Variants in SULF2 observed in about 807,000 individuals in gnomAD.
The protein encoded by SULF2 is extracellular sulfatase Sulf-2.
Under a neutral mutation model 107.7 loss-of-function variants are expected in SULF2, and 52 were observed. The ratio of observed to expected loss-of-function variants is 0.48; its 90% CI spans 0.39 to 0.61. SULF2 has a LOEUF of 0.61. Among genes scored for constraint, SULF2 ranks in the 20% least tolerant of loss-of-function variants. The probability of loss-of-function intolerance (pLI) is 0.00; values close to 1 mark genes in which losing one functional copy is unlikely to be tolerated. For missense variants in SULF2, 993 were observed against 1,177.3 expected (o/e 0.84, Z 2.29); for synonymous variants, 460 against 464.3 (o/e 0.99, Z 0.12).
chr20:47,750,873 C>G (rs77001870), intron 2 of SULF2, among the ~76,000 whole-genome samples: 3,042 of 152,248 alleles, frequency 0.02, 97 homozygotes, highest in African/African-American at 0.07. Context: ...GTGCTCTTCC[C>G]CAGGGATCCC....
At chr20:47,716,571 T>C (rs527963345) in intron 3 of SULF2, among the ~76,000 whole-genome samples, 52 of 152,212 alleles carry the variant, frequency 3.4e-4, no homozygotes, top group Non-Finnish European at 6.6e-4. Context: ...AAGAGTTGCA[T>C]TGTTTTACAT....
chr20:47,690,198 T>G lies in SULF2; in HGVS notation c.665A>C (p.His222Pro). The G allele has an allele frequency of 6.4e-7, 1 of 1,572,184 alleles. No homozygotes were observed. The highest frequency in any genetic ancestry group is 8.7e-7 in the Non-Finnish European group (1 of 1,156,000). The stretch of plus-strand genomic sequence containing the variant: ...ATCCTCAGGGCCGTGGGGGGCTGCA[T>G]GGCTGATGACCATGAGGACTGGCCT... ...PHRPVLMVIS[H>P]AAPHGPEDSA... The change falls in exon 5 of 21, where the codon CAT (histidine) becomes CCT (proline). Residue 222 changes from histidine to proline, a missense_variant. This residue lies in a region of SULF2 where 388 missense variants were observed against 449.2 expected (regional missense o/e 0.86). Transcript: ENST00000688720.
chr20:47,676,760 C>G, intron 9 of SULF2, 137 bp from the exon 10 acceptor site: 1 of 1,038,788 alleles, frequency 9.6e-7, no homozygotes. Flanking sequence ...GCCACCTGCC[C>G]GGGTCTTCTG....
At chr20:47,756,647 C>CTT (rs11372876) in intron 2 of SULF2, among the ~76,000 whole-genome samples, 54,927 of 135,848 alleles carry the variant, frequency 0.4, 12,254 homozygotes, top group East Asian at 0.56. Context: ...CATGTCTCAT[C>CTT]TTTTTTTTTT....
intron 1 of SULF2, among the ~76,000 whole-genome samples, chr20:47,760,758 C>T (rs1419264374): frequency 1.3e-5 from 2 of 152,206 alleles, no homozygotes; most frequent in Non-Finnish European, 2.9e-5. Context: ...TTCAGGGGAG[C>T]TGGGGACACA....
At chr20:47,769,462 T>G (rs1243307712) in intron 1 of SULF2, among the ~76,000 whole-genome samples, 1 of 151,764 alleles carries the variant, frequency 6.6e-6, no homozygotes, top group Non-Finnish European at 1.5e-5. Context: ...CCTCCCAATG[T>G]GCTGGGATTA....
In SULF2 at chr20:47,686,657, G is replaced by A. The variant is rs372760242; in HGVS notation, c.738-2076C>T. On this transcript the variant is annotated intron_variant, in intron 5 of 20. Transcript: ENST00000688720. ...ATGTCTCCCTCTGGCCTGGTACGTC[G>A]GGACTTCAGCAGCGTCTCAGATATC... Among the ~76,000 whole-genome samples the A allele has an allele frequency of 3.9e-4, 59 of 152,350 alleles. No homozygotes were observed. The East Asian group carries it at 8.1e-3, about 21-fold the overall frequency.
At chr20:47,691,012 T>C (rs2088180878) in intron 4 of SULF2, among the ~76,000 whole-genome samples, 1 of 152,268 alleles carries the variant, frequency 6.6e-6, no homozygotes, top group Non-Finnish European at 1.5e-5. Context: ...ATAATCCTTA[T>C]TTTCCAGAAC....
chr20:47,768,858 G>T (rs900780720), intron 1 of SULF2, among the ~76,000 whole-genome samples: 1 of 150,668 alleles, frequency 6.6e-6, no homozygotes, highest in Non-Finnish European at 1.5e-5. Flanking sequence ...TTACTCTCTG[G>T]CCTGAGTTTG....
intron 9 of SULF2, 137 bp downstream of exon 9, chr20:47,676,941 T>A: frequency 1.1e-6 from 1 of 894,934 alleles, no homozygotes; most frequent in Non-Finnish European, 1.8e-6. Flanking sequence ...TGAATGGGCT[T>A]TGTGTTTAGG....
At chr20:47,699,008 G>A (rs2146581960) in intron 4 of SULF2, among the ~76,000 whole-genome samples, 1 of 152,286 alleles carries the variant, frequency 6.6e-6, no homozygotes, top group Admixed American at 6.5e-5. Flanking sequence ...TCCAGTCTGG[G>A]CAACAAGCAC....
At chr20:47,701,186 T>C (rs972599316) in intron 4 of SULF2, among the ~76,000 whole-genome samples, 2 of 152,182 alleles carry the variant, frequency 1.3e-5, no homozygotes, top group African/African-American at 2.4e-5. Context: ...GAACAGACTA[T>C]ACGATTCCAT....
intron 1 of SULF2, among the ~76,000 whole-genome samples, chr20:47,773,079 C>T (rs545064101): frequency 1.2e-4 from 18 of 152,270 alleles, no homozygotes; most frequent in East Asian, 5.8e-4. Context: ...AAGCACTGAG[C>T]GGGCTCCATA....
chr20:47,702,717 G>A (rs760105135), intron 3 of SULF2, 47 bp from the exon 4 acceptor site: 12 of 1,596,924 alleles, frequency 7.5e-6, no homozygotes, highest in Middle Eastern at 1.8e-4. Flanking sequence ...AGTGCCTGAC[G>A]ATGTTTATTA....
At position 47,672,329 on chromosome 20, in the gene SULF2, C is replaced by T. The variant is rs748783598; in HGVS notation, c.1445G>A (p.Arg482Gln). The T allele has an allele frequency of 4.2e-5, 67 of 1,613,170 alleles. No homozygotes were observed. Among genetic ancestry groups the T allele is most frequent in the South Asian group, 3.6e-4 (33 of 91,088 alleles). Residue 482 changes from arginine to glutamine, a missense_variant, in exon 11 of 21, where the codon CGG (arginine) becomes CAG (glutamine). Physicochemically the swap from Arg to Gln is conservative, Grantham distance 43 (BLOSUM62 1). Transcript: ENST00000688720. ...GGAGAGGGCTCTGCTGCCGCCCAGC[C>T]GCATGGGGCCCTTGCACTTATGCAG... ...LKLHKCKGPMRLGGSRALSNL... is the reference protein window; with the variant it reads ...LKLHKCKGPMQLGGSRALSNL...
chr20:47,720,266 ATTTTT>A (rs1406476240), intron 3 of SULF2, among the ~76,000 whole-genome samples: 2 of 151,060 alleles, frequency 1.3e-5, no homozygotes, highest in African/African-American at 4.9e-5. Context: ...ATTTTATTTT[ATTTTT>A]TTTGAGACAG....
rs528348414 is a variant in SULF2, at chr20:47,725,741, C to A, written c.415+10962G>T. Among the ~76,000 whole-genome samples, 81 of 152,204 alleles carry A rather than the reference C, an allele frequency of 5.3e-4. 2 individuals are homozygous for A. Among genetic ancestry groups the A allele is most frequent in the Admixed American group, 1.3e-3 (20 of 15,278 alleles). The stretch of plus-strand genomic sequence containing the variant: ...CCTCCCCACCCAGCCTGCCTCTCTG[C>A]TTTGGGCTACCTGCCAGCCCTCTAT... On this transcript the variant is annotated intron_variant, in intron 3 of 20. Transcript: ENST00000688720.
At chr20:47,667,831 AG>A (rs1426154059) in intron 11 of SULF2, among the ~76,000 whole-genome samples, 1 of 152,156 alleles carries the variant, frequency 6.6e-6, no homozygotes, top group Non-Finnish European at 1.5e-5. Context: ...GGCGGAAGGC[AG>A]TGGAAGGAGG....
At chr20:47,757,624 G>A (rs941398404) in intron 1 of SULF2, among the ~76,000 whole-genome samples, 161 bp from the exon 2 acceptor site, 18 of 152,276 alleles carry the variant, frequency 1.2e-4, no homozygotes, top group African/African-American at 4.1e-4. Flanking sequence ...AGTTAGCAAA[G>A]TCTTTACAGT....
Sources: gnomAD v4.1 joint callset for allele counts (sites outside exome capture counted in the v4.1 genomes callset) on GRCh38, gnomAD v4.1.1 for gene constraint, gnomAD v4.1.1 regional missense constraint, MANE v1.5 for transcripts, NCBI Gene and HGNC (gene_info 2026-07-23, HGNC 2026-07-21) for gene names.